The following IL1RL2 variants were observed in gnomAD, a reference collection of about 807,000 sequenced individuals.
IL1RL2 encodes the protein interleukin-1 receptor-like 2.
Under a neutral mutation model 66.8 loss-of-function variants are expected in IL1RL2, and 68 were observed. The observed-to-expected ratio is 1.02, with a 90% confidence interval of 0.84 to 1.25. The LOEUF (loss-of-function observed/expected upper bound fraction) is 1.25. Among genes scored for constraint, IL1RL2 ranks in the 50% most tolerant of loss-of-function variants. IL1RL2 has a pLI of 0.00. For synonymous variants in IL1RL2, 305 were observed against 264.6 expected (o/e 1.15, Z -1.48); for missense variants, 729 against 709.3 (o/e 1.03, Z -0.32).
chr2:102,226,083 T>C (rs770556874), intron 9 of IL1RL2, 42 bp downstream of exon 9: 4 of 1,503,588 alleles, frequency 2.7e-6, no homozygotes, highest in African/African-American at 1.4e-5. Flanking sequence ...AAAATTGGTA[T>C]CCTCTTATAC....
At chr2:102,195,582 T>C (rs1435867984) in intron 4 of IL1RL2, among the ~76,000 whole-genome samples, 3 of 14,366 alleles carry the variant, frequency 2.1e-4, no homozygotes, top group African/African-American at 6.0e-4. Context: ...TCTTTCTTTC[T>C]TTCTTTCTTT....
At chr2:102,203,429 A>T (rs895932347) in intron 5 of IL1RL2, among the ~76,000 whole-genome samples, 1 of 151,458 alleles carries the variant, frequency 6.6e-6, no homozygotes, top group Non-Finnish European at 1.5e-5. Context: ...GTATCTTCTC[A>T]TCCTCTATTT....
At chr2:102,228,875 A>AT (rs57984820) in intron 9 of IL1RL2, among the ~76,000 whole-genome samples, 15 of 151,808 alleles carry the variant, frequency 9.9e-5, no homozygotes, top group South Asian at 4.1e-4. Context: ...CCAAAGGCAG[A>AT]TTTTTTTTCC....
upstream of IL1RL2, chr2:102,186,987 C>A: frequency 7.8e-7 from 1 of 1,286,662 alleles, no homozygotes; most frequent in Non-Finnish European, 1.0e-6. Context: ...CCCACGGTGG[C>A]GGGGAAATAC....
At chr2:102,237,892 C>T (rs1036423712) in intron 11 of IL1RL2, among the ~76,000 whole-genome samples, 1 of 152,156 alleles carries the variant, frequency 6.6e-6, no homozygotes, top group African/African-American at 2.4e-5. Flanking sequence ...TCTCCCGTTT[C>T]TCCAGCTGGG....
Position 102,239,620 on chromosome 2 carries a change from CAT to C in IL1RL2, c.*380_*381del, listed in dbSNP as rs1407706966. 3 of 227,852 alleles carry C rather than the reference CAT, an allele frequency of 1.3e-5. No individual in the cohort carries two copies. Among genetic ancestry groups the C allele is most frequent in the Non-Finnish European group, 9.0e-6 (1 of 110,612 alleles). The allele number at this position is 227,852 out of a possible 1,614,324, so 14.1% of individuals were successfully genotyped here. On this transcript the variant is annotated 3_prime_UTR_variant, in exon 12 of 12. Coordinates refer to ENST00000264257, the MANE Select transcript of IL1RL2 (RefSeq NM_003854.4). ...GTGGGTGAGGGCGGGTGGTCATCCA[CAT>C]GGTCATAGTGGGTGAGAGCTGGGGG...
chr2:102,210,545 G>T (rs760487470), intron 5 of IL1RL2, among the ~76,000 whole-genome samples: 3 of 152,208 alleles, frequency 2.0e-5, no homozygotes, highest in Non-Finnish European at 4.4e-5. Context: ...GTAACATGAT[G>T]TCATTGAAGA....
intron 5 of IL1RL2, among the ~76,000 whole-genome samples, chr2:102,204,743 T>G (rs1688558573): frequency 6.6e-6 from 1 of 152,072 alleles, no homozygotes; most frequent in South Asian, 2.1e-4. Flanking sequence ...ATTTTCAGTC[T>G]ATGTGTGTCT....
chr2:102,229,703 G>A (rs903013923), intron 9 of IL1RL2, among the ~76,000 whole-genome samples: 2 of 152,176 alleles, frequency 1.3e-5, no homozygotes, highest in African/African-American at 2.4e-5. Flanking sequence ...AAGTCACTAC[G>A]TTTTGAGAAC....
chr2:102,198,189 C>T (rs541483516), intron 4 of IL1RL2, among the ~76,000 whole-genome samples: 25 of 151,836 alleles, frequency 1.6e-4, no homozygotes, highest in Non-Finnish European at 2.9e-4. Context: ...TATTATGTTA[C>T]AATAAAGGAA....
intron 5 of IL1RL2, among the ~76,000 whole-genome samples, chr2:102,202,075 C>T (rs1056122358): frequency 1.2e-4 from 19 of 152,108 alleles, no homozygotes; most frequent in African/African-American, 3.6e-4. Context: ...CCTTCATTGT[C>T]GTGAATATTC....
intron 5 of IL1RL2, among the ~76,000 whole-genome samples, chr2:102,211,273 T>A (rs751201502): frequency 6.6e-6 from 1 of 152,204 alleles, no homozygotes; most frequent in South Asian, 2.1e-4. Context: ...ACTAAGTAGG[T>A]GATCGCTAAA....
Position 102,226,058 on chromosome 2 carries a change from A to G in IL1RL2, c.1135+17A>G. On this transcript the variant is annotated intron_variant, in intron 9 of 11. Transcript: ENST00000264257. ...CCATAGTAGGTAAGTGTGTGTAATC[A>G]CTGAAAAATGCCTCAAAATTGGTAT... The G allele has an allele frequency of 6.4e-7, 1 of 1,553,494 alleles. No homozygotes were observed. The highest frequency in any genetic ancestry group is 8.7e-7 in the Non-Finnish European group (1 of 1,153,260).
intron 4 of IL1RL2, among the ~76,000 whole-genome samples, chr2:102,200,412 AGT>A (rs1688158166): frequency 6.6e-6 from 1 of 152,202 alleles, no homozygotes; most frequent in East Asian, 1.9e-4. Flanking sequence ...TGGAGAATGA[AGT>A]GTGACTCTGA....
chr2:102,226,798 G>A (rs1690657943), intron 9 of IL1RL2, among the ~76,000 whole-genome samples: 1 of 151,884 alleles, frequency 6.6e-6, no homozygotes, highest in East Asian at 1.9e-4. Flanking sequence ...AGGAAGGGAA[G>A]AAAAAAGAAA....
intron 8 of IL1RL2, among the ~76,000 whole-genome samples, chr2:102,220,813 A>T (rs960622560): frequency 4.6e-5 from 7 of 152,340 alleles, no homozygotes; most frequent in Admixed American, 3.3e-4. Context: ...CTAAAGCCCC[A>T]CCAAATATTT....
intron 8 of IL1RL2, among the ~76,000 whole-genome samples, chr2:102,225,406 T>A (rs1024313115): frequency 1.3e-5 from 2 of 152,226 alleles, no homozygotes; most frequent in Non-Finnish European, 2.9e-5. Flanking sequence ...GGGACAACTG[T>A]TGGCTCTTTA....
chr2:102,220,834 T>C (rs1690057015), intron 8 of IL1RL2, among the ~76,000 whole-genome samples: 1 of 152,190 alleles, frequency 6.6e-6, no homozygotes, highest in Admixed American at 6.5e-5. Flanking sequence ...TTCTAGAACC[T>C]AACAGAAAAC....
intron 4 of IL1RL2, among the ~76,000 whole-genome samples, chr2:102,199,326 C>A (rs1306935460): frequency 6.6e-6 from 1 of 152,216 alleles, no homozygotes; most frequent in Non-Finnish European, 1.5e-5. Flanking sequence ...TGATGCTCGT[C>A]TCCTCTTCAT....
Sources: allele counts gnomAD v4.1 joint callset (sites outside exome capture counted in the v4.1 genomes callset), GRCh38; gene constraint gnomAD v4.1.1; transcripts MANE v1.5; gene names NCBI Gene and HGNC (gene_info 2026-07-23, HGNC 2026-07-21).